CLIP1: variants seen among roughly 807,000 people sequenced by gnomAD.
The protein encoded by CLIP1 is CAP-Gly domain containing linker protein 1.
Under a neutral mutation model 161.6 loss-of-function variants are expected in CLIP1, and 66 were observed. The observed-to-expected ratio is 0.41, with a 90% CI of 0.33 to 0.50. The LOEUF (loss-of-function observed/expected upper bound fraction) is 0.50. Ranked by LOEUF, CLIP1 falls within the 20% of genes least tolerant of loss-of-function variation. CLIP1 has a pLI of 0.27. For synonymous variants in CLIP1, 598 were observed against 626.2 expected (o/e 0.96, Z 0.67); for missense variants, 1,376 against 1,702.0 (o/e 0.81, Z 3.37).
intron 1 of CLIP1, among the ~76,000 whole-genome samples, chr12:122,403,622 G>A (rs9706410): frequency 8.7e-5 from 13 of 149,670 alleles, no homozygotes; most frequent in South Asian, 2.1e-4. Context: ...GGGTTCAAGC[G>A]ATTCTCCTGC....
chr12:122,284,548 C>T (rs982188927), intron 21 of CLIP1, among the ~76,000 whole-genome samples: 1 of 152,046 alleles, frequency 6.6e-6, no homozygotes, highest in Non-Finnish European at 1.5e-5. Flanking sequence ...GACGGGGTTT[C>T]ACCATGTTGG....
intron 1 of CLIP1, among the ~76,000 whole-genome samples, chr12:122,415,219 C>T (rs981831935): frequency 1.4e-4 from 21 of 152,112 alleles, no homozygotes; most frequent in South Asian, 8.3e-4. Context: ...CAGTGGCTCA[C>T]GCCTGTAATC....
intron 21 of CLIP1, among the ~76,000 whole-genome samples, chr12:122,281,564 C>T (rs771200314): frequency 6.6e-6 from 1 of 151,786 alleles, no homozygotes; most frequent in Non-Finnish European, 1.5e-5. Flanking sequence ...GGCATGGCAG[C>T]GCATGCTTGT....
chr12:122,410,135 G>A (rs566799648), intron 1 of CLIP1, among the ~76,000 whole-genome samples: 1 of 151,988 alleles, frequency 6.6e-6, no homozygotes, highest in African/African-American at 2.4e-5. Flanking sequence ...GCCTCCCAAA[G>A]TGCTGGGATT....
Position 122,319,318 on chromosome 12 carries a change from T to C in CLIP1, c.3280A>G (p.Ile1094Val), listed in dbSNP as rs780375866. The change falls in exon 18 of 26, where the codon ATA becomes GTA. Residue 1094 changes from isoleucine to valine, a missense_variant. Ile to Val is a conservative substitution (Grantham distance 29). This residue lies in a region of CLIP1 where 948 missense variants were observed against 1,134.8 expected (regional missense o/e 0.84). Coordinates refer to ENST00000620786, the MANE Select transcript of CLIP1 (RefSeq NM_001247997.2). ...AAQTAEDAMQ[I>V]MEQMTKEKTE... is the part of the protein sequence containing the mutation. ...TTCTCTTTGGTCATCTGTTCCATTA[T>C]CTGCATGGCATCTTCCGCTGTTTGA... 1.2e-6 allele frequency: 2 copies of C among 1,614,082 alleles called. No homozygotes were observed. The highest frequency in any genetic ancestry group is 8.5e-7 in the Non-Finnish European group (1 of 1,179,890).
At chr12:122,404,513 C>T (rs944632689) in intron 1 of CLIP1, among the ~76,000 whole-genome samples, 5 of 152,028 alleles carry the variant, frequency 3.3e-5, no homozygotes, top group Non-Finnish European at 5.9e-5. Context: ...GCAGGAGAAT[C>T]GCTTGAACCC....
chr12:122,304,137 C>T (rs1372446664), intron 20 of CLIP1, among the ~76,000 whole-genome samples: 2 of 152,162 alleles, frequency 1.3e-5, no homozygotes, highest in African/African-American at 2.4e-5. Flanking sequence ...TAAAATCCTG[C>T]GGTGGTGCAA....
intron 2 of CLIP1, among the ~76,000 whole-genome samples, chr12:122,379,874 G>A (rs1185745905): frequency 6.7e-6 from 1 of 149,578 alleles, no homozygotes; most frequent in African/African-American, 2.5e-5. Context: ...AACCCCGGAG[G>A]TGGAGGTTGC....
At position 122,302,375 on chromosome 12, in the gene CLIP1, C is replaced by A. The variant is rs181269975; in HGVS notation, c.3594+7387G>T. 2.0e-5 allele frequency among the ~76,000 whole-genome samples: 3 copies of A among 152,178 alleles called. No individual in the cohort carries two copies. In the East Asian group the frequency reaches 5.8e-4, roughly 30 times the overall value. ...CCTCGGCCTCCCAGTGCTGGGATTA[C>A]AGGCATGAACCACCATGCCCACCAT... On this transcript the variant is annotated intron_variant, in intron 20 of 25. Transcript: ENST00000620786.
Position 122,320,475 on chromosome 12 carries a change from C to T in CLIP1, c.3250-1127G>A, listed in dbSNP as rs980856659. Among the ~76,000 whole-genome samples the T allele has an allele frequency of 4.6e-5, 7 of 151,914 alleles. No homozygotes were observed. The East Asian group carries it at 1.2e-3, about 26-fold the overall frequency. Reference sequence around the variant, plus strand: ...TTAATTAACAGGCCAGGCGCAGTGGCTCATGCCTGTAATCCTAGCACTTTG... The same window carrying T: ...TTAATTAACAGGCCAGGCGCAGTGGTTCATGCCTGTAATCCTAGCACTTTG... On this transcript the variant is annotated intron_variant, in intron 17 of 25. Transcript: ENST00000620786.
In CLIP1 at chr12:122,377,439, C is replaced by T. The variant is rs1227588735; in HGVS notation, c.607G>A (p.Gly203Ser). The change falls in exon 3 of 26, where the codon GGC becomes AGC. Residue 203 changes from glycine to serine, a missense_variant. Physicochemically the swap from Gly to Ser is moderately conservative, Grantham distance 56. Coordinates refer to ENST00000620786, the MANE Select transcript of CLIP1 (RefSeq NM_001247997.2). The stretch of plus-strand genomic sequence containing the variant: ...TCTCTTTCTCCTTTCTTGATTGAGC[C>T]AGCCTCTGAAAGGTTGGAGATAGAT... ...SESISNLSEAGSIKKGERELK... is the reference protein window; with the variant it reads ...SESISNLSEASSIKKGERELK... 1.2e-6 allele frequency: 2 copies of T among 1,614,128 alleles called. No homozygotes were observed. Among genetic ancestry groups the T allele is most frequent in the Non-Finnish European group, 1.7e-6 (2 of 1,180,032 alleles).
intron 5 of CLIP1, among the ~76,000 whole-genome samples, chr12:122,357,436 G>GCCCGGCAGCCACCC (rs1953476490): frequency 6.7e-6 from 1 of 148,668 alleles, no homozygotes; most frequent in Non-Finnish European, 1.5e-5. Flanking sequence ...GAGCCCCTCC[G>GCCCGGCAGCCACCC]CCCGGCAGCC....
chr12:122,389,284 C>A (rs955567387), intron 1 of CLIP1, among the ~76,000 whole-genome samples: 4 of 152,170 alleles, frequency 2.6e-5, no homozygotes, highest in African/African-American at 7.2e-5. Context: ...TTTTAGTCAC[C>A]TTTATGTTTT....
chr12:122,399,529 C>T (rs3825096), intron 1 of CLIP1: 74,143 of 151,960 alleles, frequency 0.49, 21,875 homozygotes, highest in Non-Finnish European at 0.64. Flanking sequence ...CACATCAGAC[C>T]CTTTCCAGTC....
At chr12:122,379,073 C>T (rs1335750625) in intron 2 of CLIP1, among the ~76,000 whole-genome samples, 2 of 151,544 alleles carry the variant, frequency 1.3e-5, no homozygotes, top group African/African-American at 4.9e-5. Flanking sequence ...TGCAGTGAGC[C>T]GAAATCATGT....
chr12:122,388,553 G>A (rs1955435234), intron 1 of CLIP1, among the ~76,000 whole-genome samples: 2 of 152,064 alleles, frequency 1.3e-5, no homozygotes, highest in Admixed American at 6.6e-5. Flanking sequence ...AGGCTATTTG[G>A]ATGCTGAAGT....
intron 4 of CLIP1, among the ~76,000 whole-genome samples, chr12:122,363,495 CAAAA>C (rs528966555): frequency 9.1e-6 from 1 of 110,420 alleles, no homozygotes. Flanking sequence ...GGCCCTGTCT[CAAAA>C]AAAAAAAAAA....
intron 11 of CLIP1, among the ~76,000 whole-genome samples, chr12:122,338,404 A>T (rs568922405): frequency 6.6e-6 from 1 of 152,258 alleles, no homozygotes; most frequent in Non-Finnish European, 1.5e-5. Flanking sequence ...GTAGTTTGAC[A>T]TTTAAATAAA....
rs756724464 is a variant in CLIP1 at position 122,355,202 on chromosome 12, A to G, written c.1116T>C (p.Asp372=). ...QHIEQLLAER[D]LERAEVAKAT... is the part of the protein sequence containing the mutation. ...CCTTGGCCACCTCCGCCCTCTCCAG[A>G]TCCCGTTCCGCCAGCAGCTGCTCAA... The change falls in exon 6 of 26, where the codon GAT becomes GAC. Residue 372 remains aspartate (D), a synonymous_variant. Transcript: ENST00000620786. The surrounding 1 kb of genome is among the most constrained non-coding windows in gnomAD (Gnocchi z 4.1). The G allele has an allele frequency of 1.9e-6, 3 of 1,614,022 alleles. No homozygotes were observed. Among genetic ancestry groups the G allele is most frequent in the East Asian group, 4.5e-5 (2 of 44,874 alleles).
Sources: gnomAD v4.1 joint callset for allele counts (sites outside exome capture counted in the v4.1 genomes callset) on GRCh38, gnomAD v4.1.1 for gene constraint, gnomAD v4.1.1 regional missense constraint, Gnocchi (gnomAD v3.1) non-coding constraint, MANE v1.5 for transcripts, NCBI Gene and HGNC (gene_info 2026-07-23, HGNC 2026-07-21) for gene names.